DISC1: variants seen among roughly 807,000 people sequenced by gnomAD.
DISC1 encodes DISC1 scaffold protein, also known as disrupted in schizophrenia 1 protein.
A neutral mutation model predicts 84.5 loss-of-function variants in DISC1; 57 were observed. The observed-to-expected ratio is 0.67, with a 90% confidence interval of 0.55 to 0.84. DISC1 has a LOEUF of 0.84. Ranked by LOEUF, DISC1 falls within the 40% of genes least tolerant of loss-of-function variation. The pLI is 0.00. For synonymous variants in DISC1, 411 were observed against 415.2 expected, an observed-to-expected ratio of 0.99 and a Z score of 0.12; for missense variants, 1,000 against 1,057.8, an observed-to-expected ratio of 0.95 and a Z score of 0.76.
intron 1 of DISC1, among the ~76,000 whole-genome samples, chr1:231,636,044 T>C (rs1018991428): frequency 5.3e-5 from 8 of 152,204 alleles, no homozygotes; most frequent in African/African-American, 1.7e-4. Context: ...GATGGATAGA[T>C]GGAGGAAGAA....
chr1:231,738,142 C>G (rs1461290238), intron 3 of DISC1, among the ~76,000 whole-genome samples: 4 of 152,180 alleles, frequency 2.6e-5, no homozygotes, highest in Non-Finnish European at 4.4e-5. Flanking sequence ...AATCATGATG[C>G]CCTGTCACTC....
intron 1 of DISC1, among the ~76,000 whole-genome samples, chr1:231,665,815 G>A (rs902762138): frequency 4.6e-5 from 7 of 152,170 alleles, no homozygotes; most frequent in African/African-American, 7.2e-5. Flanking sequence ...TAGGTTTTCT[G>A]CTTTCCTTAC....
intron 9 of DISC1, among the ~76,000 whole-genome samples, chr1:231,833,357 A>G (rs1015171310): frequency 2.8e-4 from 42 of 151,514 alleles, no homozygotes; most frequent in South Asian, 6.2e-4. Context: ...TGGAGTGGGT[A>G]GCCTCCATAT....
intron 10 of DISC1, among the ~76,000 whole-genome samples, chr1:231,960,636 C>A (rs1318601457): frequency 1.3e-5 from 2 of 152,168 alleles, no homozygotes; most frequent in Non-Finnish European, 2.9e-5. Flanking sequence ...TCACACAATG[C>A]AATAATCAAC....
intron 10 of DISC1, among the ~76,000 whole-genome samples, chr1:232,001,854 G>C (rs948351494): frequency 6.6e-6 from 1 of 152,162 alleles, no homozygotes; most frequent in African/African-American, 2.4e-5. Context: ...GACATTAGAA[G>C]CACAATCAAG....
At chr1:231,830,835 G>A (rs1434720986) in intron 9 of DISC1, among the ~76,000 whole-genome samples, 1 of 152,224 alleles carries the variant, frequency 6.6e-6, no homozygotes, top group Non-Finnish European at 1.5e-5. Flanking sequence ...TGGTGGCTGA[G>A]CTTGGTGAGG....
At chr1:232,010,416 G>A (rs1381427675) in intron 11 of DISC1, among the ~76,000 whole-genome samples, 1 of 152,186 alleles carries the variant, frequency 6.6e-6, no homozygotes, top group Non-Finnish European at 1.5e-5. Flanking sequence ...TCCAAAGTGA[G>A]CTACCAGGAG....
intron 9 of DISC1, among the ~76,000 whole-genome samples, chr1:231,820,532 G>T (rs994168115): frequency 6.6e-6 from 1 of 152,184 alleles, no homozygotes; most frequent in African/African-American, 2.4e-5. Context: ...AACAATAGTT[G>T]TGGAATGCAG....
chr1:231,627,931 A>G (rs1474424410), intron 1 of DISC1, among the ~76,000 whole-genome samples: 1 of 152,136 alleles, frequency 6.6e-6, no homozygotes, highest in Non-Finnish European at 1.5e-5. Flanking sequence ...CCTGCATGTC[A>G]ATCCTGGACA....
At chr1:231,823,544 C>A (rs929231515) in intron 9 of DISC1, among the ~76,000 whole-genome samples, 9 of 152,172 alleles carry the variant, frequency 5.9e-5, no homozygotes, top group Admixed American at 5.9e-4. Context: ...CAGAGTGATG[C>A]TAAATTCTTC....
At chr1:231,816,444 C>T (rs1239337683) in intron 8 of DISC1, among the ~76,000 whole-genome samples, 1 of 152,046 alleles carries the variant, frequency 6.6e-6, no homozygotes, top group Non-Finnish European at 1.5e-5. Context: ...CCCATTTATC[C>T]TTTTTAAAAT....
chr1:232,026,008 C>T (rs1021929622), intron 11 of DISC1, among the ~76,000 whole-genome samples: 1 of 152,154 alleles, frequency 6.6e-6, no homozygotes, highest in African/African-American at 2.4e-5. Flanking sequence ...GTGCCCTAGT[C>T]AATTCCTGTG....
intron 1 of DISC1, among the ~76,000 whole-genome samples, chr1:231,647,426 T>C (rs184421339): frequency 2.6e-4 from 40 of 152,360 alleles, no homozygotes; most frequent in Middle Eastern, 3.4e-3. Flanking sequence ...GGTCTATCTC[T>C]CTGTTTTGGT....
Position 231,693,817 on chromosome 1 carries a change from T to G in DISC1, c.68-9T>G. 1 of 1,612,936 alleles carries G rather than the reference T, an allele frequency of 6.2e-7. No individual in the cohort carries two copies. The highest frequency in any genetic ancestry group is 1.1e-5 in the South Asian group (1 of 91,024). On this transcript the variant is annotated splice_polypyrimidine_tract_variant and intron_variant, in intron 1 of 12. Transcript: ENST00000439617. ...ATGTTTATGGTGCTGTTTTTTCTTT[T>G]CTTCCCAGGCAGCCGGGATTGCTTA...
At position 231,664,039 on chromosome 1, in the gene DISC1, T is replaced by TCC. The variant is rs1558276331; in HGVS notation, c.68-29787_68-29786insCC. 4.9e-3 allele frequency among the ~76,000 whole-genome samples: 711 copies of TCC among 146,406 alleles called. 4 individuals carry two copies. The highest frequency in any genetic ancestry group is 0.02 in the South Asian group (88 of 4,390). On this transcript the variant is annotated intron_variant, in intron 1 of 12. Coordinates refer to ENST00000439617, the MANE Select transcript of DISC1 (RefSeq NM_018662.3). Reference sequence around the variant, plus strand: ...ATATCTATCTATCTATCCATCTATCTATCCATCCATCCATCCATCCATCCA... The same window carrying TCC: ...ATATCTATCTATCTATCCATCTATCTCCATCCATCCATCCATCCATCCATCCA...
intron 9 of DISC1, among the ~76,000 whole-genome samples, chr1:231,846,903 C>T (rs1232358666): frequency 6.6e-6 from 1 of 152,104 alleles, no homozygotes; most frequent in Non-Finnish European, 1.5e-5. Context: ...ACTTTTAAGT[C>T]CAGTTTAAGA....
intron 1 of DISC1, among the ~76,000 whole-genome samples, chr1:231,654,126 A>G (rs1356270943): frequency 6.6e-6 from 1 of 152,192 alleles, no homozygotes; most frequent in Non-Finnish European, 1.5e-5. Flanking sequence ...TTTATTCTCA[A>G]TGGCTACGTT....
intron 9 of DISC1, among the ~76,000 whole-genome samples, chr1:231,874,442 A>T (rs2085708904): frequency 6.6e-6 from 1 of 151,482 alleles, no homozygotes; most frequent in Non-Finnish European, 1.5e-5. Flanking sequence ...TATAGGTGTG[A>T]GCCACCGCGC....
At chr1:231,759,549 A>AAC (rs2075455490) in intron 4 of DISC1, among the ~76,000 whole-genome samples, 1 of 139,084 alleles carries the variant, frequency 7.2e-6, no homozygotes, top group Non-Finnish European at 1.5e-5. Context: ...AAAAAAAAAA[A>AAC]AACAAAACTA....
Sources: gnomAD v4.1 joint callset for allele counts (sites outside exome capture counted in the v4.1 genomes callset) on GRCh38, gnomAD v4.1.1 for gene constraint, MANE v1.5 for transcripts, NCBI Gene and HGNC (gene_info 2026-07-23, HGNC 2026-07-21) for gene names.